NCOA7: variants seen among roughly 807,000 people sequenced by gnomAD.
NCOA7 encodes 140 kDa estrogen receptor-associated protein.
In NCOA7, 45 loss-of-function variants were observed where a neutral mutation model predicts 104.3. That is an observed-to-expected ratio of 0.43 (90% confidence interval 0.34 to 0.55). The LOEUF is 0.55. Ranked by LOEUF, NCOA7 falls within the 20% of genes least tolerant of loss-of-function variation. The probability of loss-of-function intolerance (pLI) is 0.02; values close to 1 mark genes in which losing one functional copy is unlikely to be tolerated. For missense variants in NCOA7, 1,041 were observed against 1,119.7 expected (o/e 0.93, Z 1.00); for synonymous variants, 398 against 402.3 (o/e 0.99, Z 0.13).
chr6:125,864,023 G>T lies in NCOA7; in HGVS notation c.271+8783G>T, dbSNP rs549236262. On this transcript the variant is annotated intron_variant, in intron 3 of 15. Coordinates refer to ENST00000392477, the MANE Select transcript of NCOA7 (RefSeq NM_181782.5). ...AGAGTGATGTGGTCAGGTTTTTTTG[G>T]GGGGGGCAGTTTGGCTGTTTTTATC... is the stretch of plus-strand genomic sequence containing the variant. 2.0e-4 allele frequency among the ~76,000 whole-genome samples: 27 copies of T among 136,478 alleles called. 8 individuals are homozygous for T. The highest frequency in any genetic ancestry group is 3.7e-3 in the Middle Eastern group (1 of 268). 89.5% of individuals were successfully genotyped at this position (136,478 alleles called of 152,430 possible). A position where few individuals can be genotyped will look rare whatever the true frequency, so the allele number is the denominator to read the frequency against.
At chr6:125,844,292 T>C (rs1320743827) in intron 2 of NCOA7, among the ~76,000 whole-genome samples, 1 of 152,238 alleles carries the variant, frequency 6.6e-6, no homozygotes, top group African/African-American at 2.4e-5. Context: ...CCTAACTGTA[T>C]TGGTTCTTTG....
intron 2 of NCOA7, among the ~76,000 whole-genome samples, chr6:125,817,556 T>C (rs1777708207): frequency 6.6e-6 from 1 of 152,248 alleles, no homozygotes; most frequent in Non-Finnish European, 1.5e-5. Context: ...TTATTAGCCA[T>C]AGTGTATCTT....
At chr6:125,888,482 T>C (rs1784407366) in intron 8 of NCOA7, among the ~76,000 whole-genome samples, 1 of 152,098 alleles carries the variant, frequency 6.6e-6, no homozygotes, top group Admixed American at 6.6e-5. Flanking sequence ...TCAACGAGCT[T>C]TTCAAAATTA....
In NCOA7 at chr6:125,889,582, A is replaced by C. The variant is rs1406504030; in HGVS notation, c.1528A>C (p.Thr510Pro). ...TTCGCCAGAAAGCCGAGTAGAAAAC[A>C]CACTGAACATACATGAAGATTTAGA... The part of the protein sequence containing the change: ...SGSPESRVEN[T>P]LNIHEDLDKV... Residue 510 changes from threonine (T) to proline (P), a missense_variant, in exon 9 of 16, where the codon ACA (threonine) becomes CCA (proline). Physicochemically the swap from Thr to Pro is conservative, Grantham distance 38. Transcript: ENST00000392477. 3 of 1,614,008 alleles carry C rather than the reference A, an allele frequency of 1.9e-6. No individual in the cohort carries two copies. Among genetic ancestry groups the C allele is most frequent in the Admixed American group, 1.7e-5 (1 of 59,994 alleles).
intron 7 of NCOA7, among the ~76,000 whole-genome samples, chr6:125,883,381 A>G (rs1466226005): frequency 3.3e-5 from 5 of 152,224 alleles, no homozygotes; most frequent in Non-Finnish European, 5.9e-5. Context: ...TTCACATAAC[A>G]TACAGTTCAC....
At chr6:125,890,411 T>C (rs879565873) in intron 9 of NCOA7, among the ~76,000 whole-genome samples, 4 of 152,210 alleles carry the variant, frequency 2.6e-5, no homozygotes, top group Admixed American at 6.5e-5. Flanking sequence ...TTTAAACTTA[T>C]TTTCAGTATG....
At chr6:125,830,666 C>T (rs1180246279) in intron 2 of NCOA7, among the ~76,000 whole-genome samples, 6 of 151,728 alleles carry the variant, frequency 4.0e-5, no homozygotes, top group Non-Finnish European at 8.8e-5. Context: ...TTAATCATGG[C>T]ACTGCACTCC....
At chr6:125,842,492 C>A (rs1246465555) in intron 2 of NCOA7, among the ~76,000 whole-genome samples, 9 of 152,066 alleles carry the variant, frequency 5.9e-5, no homozygotes, top group Non-Finnish European at 1.2e-4. Context: ...ATTGAGTAGT[C>A]AGAGAATACA....
chr6:125,875,029 T>TC lies in NCOA7; in HGVS notation c.351+64dup, dbSNP rs1457677405. On this transcript the variant is annotated intron_variant, in intron 4 of 15. Coordinates refer to ENST00000392477, the MANE Select transcript of NCOA7 (RefSeq NM_181782.5). ...TAGCACTACATTTATATAATGGTTT[T>TC]CCCTGACACATCCTGCCCCTTGGCT... 4.0e-6 allele frequency: 5 copies of TC among 1,265,064 alleles called. No homozygotes were observed. The African/African-American group carries it at 7.4e-5, about 19-fold the overall frequency. 78.4% of individuals were successfully genotyped at this position (1,265,064 alleles called of 1,614,324 possible). A position where few individuals can be genotyped will look rare whatever the true frequency, so the allele number is the denominator to read the frequency against.
chr6:125,911,673 G>A (rs1039803630), intron 10 of NCOA7, among the ~76,000 whole-genome samples: 2 of 151,686 alleles, frequency 1.3e-5, no homozygotes, highest in African/African-American at 4.9e-5. Context: ...AATTATTAGG[G>A]TCTCTTTTAT....
chr6:125,915,100 C>T (rs748282470), intron 10 of NCOA7, among the ~76,000 whole-genome samples: 2 of 152,122 alleles, frequency 1.3e-5, no homozygotes, highest in Non-Finnish European at 2.9e-5. Context: ...TGATCTTTCC[C>T]TCAAATTGAA....
At chr6:125,910,673 A>G (rs1786456164) in intron 10 of NCOA7, among the ~76,000 whole-genome samples, 1 of 152,230 alleles carries the variant, frequency 6.6e-6, no homozygotes, top group Non-Finnish European at 1.5e-5. Context: ...GACAAGTTGA[A>G]TTGTTGCTTT....
intron 2 of NCOA7, among the ~76,000 whole-genome samples, chr6:125,834,230 C>T (rs1344683638): frequency 1.3e-5 from 2 of 152,080 alleles, no homozygotes; most frequent in African/African-American, 4.8e-5. Flanking sequence ...TGTCTGAAAT[C>T]ATCACTAGAG....
At chr6:125,926,720 G>A (rs921110622) in intron 13 of NCOA7, among the ~76,000 whole-genome samples, 1 of 152,152 alleles carries the variant, frequency 6.6e-6, no homozygotes, top group African/African-American at 2.4e-5. Context: ...GAAGAAGACA[G>A]CACACAGAGA....
chr6:125,888,205 G>A (rs1370364046), intron 8 of NCOA7, among the ~76,000 whole-genome samples: 2 of 152,150 alleles, frequency 1.3e-5, no homozygotes, highest in African/African-American at 2.4e-5. Context: ...AAAGTAAAGC[G>A]ATATTGTTAT....
intron 11 of NCOA7, chr6:125,919,128 C>T: frequency 1.0e-6 from 1 of 977,560 alleles, no homozygotes; most frequent in Non-Finnish European, 1.5e-6. Context: ...TACAGTCTCA[C>T]AGCGATGCCT....
Position 125,879,398 on chromosome 6 carries a change from C to T in NCOA7, c.459+1028C>T, listed in dbSNP as rs193238222. On this transcript the variant is annotated intron_variant, in intron 5 of 15. Coordinates refer to ENST00000392477, the MANE Select transcript of NCOA7 (RefSeq NM_181782.5). ...GAATTCTGCTAACTAATGATGTTGTCTCTTTGCATTAATTATATGGAAACT... is the reference window on the plus strand; with the variant it reads ...GAATTCTGCTAACTAATGATGTTGTTTCTTTGCATTAATTATATGGAAACT... Among the ~76,000 whole-genome samples the T allele has an allele frequency of 1.2e-4, 19 of 152,246 alleles. No individual in the cohort carries two copies. The East Asian group carries it at 3.3e-3, about 26-fold the overall frequency.
chr6:125,804,794 A>G (rs1562788972), intron 1 of NCOA7, among the ~76,000 whole-genome samples: 1 of 152,200 alleles, frequency 6.6e-6, no homozygotes, highest in Non-Finnish European at 1.5e-5. Flanking sequence ...TTTTTTAAAA[A>G]AAGAAAAATT....
rs778994992 is a variant in NCOA7 at position 125,929,496 on chromosome 6, G to C, written c.*725G>C. On this transcript the variant is annotated 3_prime_UTR_variant, in exon 16 of 16. Coordinates refer to ENST00000392477, the MANE Select transcript of NCOA7 (RefSeq NM_181782.5). ...TGTGGGTATATAGAGATATATGTGTGTGTGTATGTATATGTACATATACAT... is the reference window on the plus strand; with the variant it reads ...TGTGGGTATATAGAGATATATGTGTCTGTGTATGTATATGTACATATACAT... The C allele has an allele frequency of 5.3e-5, 8 of 151,846 alleles. No individual in the cohort carries two copies. Among genetic ancestry groups the C allele is most frequent in the Non-Finnish European group, 1.2e-4 (8 of 67,982 alleles). 9.4% of individuals were successfully genotyped at this position (151,846 alleles called of 1,614,324 possible).
Sources: allele counts gnomAD v4.1 joint callset (sites outside exome capture counted in the v4.1 genomes callset), GRCh38; gene constraint gnomAD v4.1.1; transcripts MANE v1.5; gene names NCBI Gene and HGNC (gene_info 2026-07-23, HGNC 2026-07-21).